Variants in CEP120 observed in about 807,000 individuals in gnomAD.
CEP120 encodes the protein centrosomal protein 120, also known as centrosomal protein of 120 kDa.
Under a neutral mutation model 126.5 loss-of-function variants are expected in CEP120, and 113 were observed. That is an observed-to-expected ratio of 0.89 (90% confidence interval 0.77 to 1.04). The LOEUF (loss-of-function observed/expected upper bound fraction) is 1.04. CEP120 is among the 50% of genes least tolerant of loss of function. The pLI is 0.00. For missense variants in CEP120, 1,230 were observed against 1,155.7 expected, an observed-to-expected ratio of 1.06 and a Z score of -0.93; for synonymous variants, 400 against 394.3, an observed-to-expected ratio of 1.01 and a Z score of -0.17.
chr5:123,393,424 T>A lies in CEP120; in HGVS notation c.686A>T (p.Asp229Val), dbSNP rs761606203. The A allele has an allele frequency of 2.5e-6, 4 of 1,614,130 alleles. No individual in the cohort carries two copies. The highest frequency in any genetic ancestry group is 2.5e-6 in the Non-Finnish European group (3 of 1,179,996). ...FFFYYSLLGN[D>V]VTNEPFNDLI... ...ATCATTGAAGGGTTCATTTGTAACA[T>A]CATTTCCCAGTAAAGAGTAGTAAAA... is the stretch of plus-strand genomic sequence containing the variant. The change falls in exon 6 of 20, where the codon GAT (aspartate) becomes GTT (valine). Residue 229 changes from aspartate to valine, a missense_variant. Transcript: ENST00000306467.
chr5:123,374,039 A>C (rs1333889663), intron 16 of CEP120, among the ~76,000 whole-genome samples: 1 of 152,146 alleles, frequency 6.6e-6, no homozygotes, highest in Admixed American at 6.6e-5. Context: ...AAAAAGACTG[A>C]GCATTACAGA....
At chr5:123,382,670 C>T in intron 13 of CEP120, 67 bp downstream of exon 13, 2 of 1,438,604 alleles carry the variant, frequency 1.4e-6, no homozygotes, top group Non-Finnish European at 1.9e-6. Context: ...TTAAACCTTG[C>T]TACGGAGAAG....
intron 4 of CEP120, chr5:123,401,335 T>C: frequency 6.2e-7 from 1 of 1,601,532 alleles, no homozygotes; most frequent in Admixed American, 1.7e-5. Context: ...GCTCGGCATC[T>C]GCAATGGCGG....
chr5:123,389,620 C>T (rs977543900), intron 8 of CEP120, among the ~76,000 whole-genome samples: 2 of 152,154 alleles, frequency 1.3e-5, no homozygotes, highest in African/African-American at 4.8e-5. Flanking sequence ...CCTGCCTCAG[C>T]CTCCCGAGTA....
At chr5:123,414,299 A>G (rs1270590721) in intron 3 of CEP120, among the ~76,000 whole-genome samples, 1 of 152,222 alleles carries the variant, frequency 6.6e-6, no homozygotes, top group Non-Finnish European at 1.5e-5. Flanking sequence ...AAAGAAGGAA[A>G]AACCTTTTCA....
chr5:123,390,289 C>T (rs1197089540), intron 7 of CEP120, 149 bp from the exon 8 acceptor site: 3 of 716,244 alleles, frequency 4.2e-6, no homozygotes, highest in East Asian at 2.7e-5. Flanking sequence ...TGCAAATTTC[C>T]TTATAGCATC....
chr5:123,370,584 C>T (rs955042981), intron 17 of CEP120, among the ~76,000 whole-genome samples: 18 of 151,404 alleles, frequency 1.2e-4, no homozygotes, highest in African/African-American at 4.4e-4. Flanking sequence ...CTCCAGTGAT[C>T]CTCCCACCTC....
At chr5:123,351,854 G>A (rs867572198) in intron 18 of CEP120, among the ~76,000 whole-genome samples, 24 of 152,224 alleles carry the variant, frequency 1.6e-4, no homozygotes, top group Middle Eastern at 3.4e-3. Context: ...AGATTTTGAA[G>A]CATTTCCGAT....
intron 17 of CEP120, among the ~76,000 whole-genome samples, chr5:123,365,194 AAC>A (rs1770369712): frequency 6.6e-6 from 1 of 150,906 alleles, no homozygotes; most frequent in African/African-American, 2.4e-5. Flanking sequence ...GTTCCTTAAT[AAC>A]ACACATTCTA....
intron 19 of CEP120, among the ~76,000 whole-genome samples, chr5:123,349,090 T>C (rs1186502366): frequency 6.6e-6 from 1 of 152,140 alleles, no homozygotes; most frequent in African/African-American, 2.4e-5. Flanking sequence ...AGACTAGAAT[T>C]CATTTTTATG....
At chr5:123,372,067 T>A (rs1181646979) in intron 17 of CEP120, among the ~76,000 whole-genome samples, 1 of 152,092 alleles carries the variant, frequency 6.6e-6, no homozygotes, top group Non-Finnish European at 1.5e-5. Flanking sequence ...GAGAAGAACA[T>A]GGCTTCCAAC....
In CEP120 at chr5:123,401,253, T is replaced by C. The variant is rs563733271; in HGVS notation, c.464-1969A>G. 1.6e-5 allele frequency: 25 copies of C among 1,610,584 alleles called. No homozygotes were observed. In the East Asian group the frequency reaches 3.1e-4, roughly 20 times the overall value. The stretch of plus-strand genomic sequence containing the variant: ...ACGCAGCTGCCACGCCATGTCCTGC[T>C]TGGCCCGCTGCAGGGCGGCCTCCAG... On this transcript the variant is annotated intron_variant, in intron 4 of 19. Transcript: ENST00000306467.
chr5:123,348,165 G>C (rs1276204617), intron 19 of CEP120, among the ~76,000 whole-genome samples: 1 of 152,122 alleles, frequency 6.6e-6, no homozygotes, highest in Non-Finnish European at 1.5e-5. Context: ...TATCACTTAA[G>C]TGATTTTTCT....
intron 18 of CEP120, chr5:123,358,201 T>G (rs1769787907): frequency 6.6e-6 from 1 of 152,110 alleles, no homozygotes; most frequent in Non-Finnish European, 1.5e-5. Flanking sequence ...GTTACAAAAT[T>G]ATGACAAAAA....
At chr5:123,376,150 T>C (rs1771205949) in intron 16 of CEP120, among the ~76,000 whole-genome samples, 1 of 152,054 alleles carries the variant, frequency 6.6e-6, no homozygotes, top group Admixed American at 6.6e-5. Context: ...AACAAACCGA[T>C]ATGACATATC....
intron 18 of CEP120, among the ~76,000 whole-genome samples, chr5:123,351,176 A>G (rs1262571407): frequency 6.6e-6 from 1 of 152,144 alleles, no homozygotes; most frequent in Non-Finnish European, 1.5e-5. Flanking sequence ...AGAATCCCAG[A>G]AGTCTGTGTC....
At chr5:123,381,373 G>C (rs2127045224) in intron 14 of CEP120, among the ~76,000 whole-genome samples, 1 of 135,706 alleles carries the variant, frequency 7.4e-6, no homozygotes, top group South Asian at 2.5e-4. Flanking sequence ...GGGTTATAGA[G>C]AGAAGGAGCA....
At chr5:123,351,446 T>C (rs952333312) in intron 18 of CEP120, among the ~76,000 whole-genome samples, 1 of 152,300 alleles carries the variant, frequency 6.6e-6, no homozygotes, top group South Asian at 2.1e-4. Context: ...TTTTGAATTA[T>C]AAATAATGGT....
chr5:123,412,422 C>T lies in CEP120; in HGVS notation c.440G>A (p.Gly147Glu), dbSNP rs1774121588. 6.2e-7 allele frequency: 1 copy of T among 1,604,316 alleles called. No individual in the cohort carries two copies. The highest frequency in any genetic ancestry group is 1.3e-5 in the African/African-American group (1 of 74,324). ...ACCTTTTCCATCTCGAGGGGGAGCCCCCTTTGCTTTAAAGCTATCCACTGG... is the reference window on the plus strand; with the variant it reads ...ACCTTTTCCATCTCGAGGGGGAGCCTCCTTTGCTTTAAAGCTATCCACTGG... ...KPPVDSFKAK[G>E]APPRDGKVPA... Residue 147 changes from glycine to glutamate, a missense_variant, in exon 4 of 20, where the codon GGG becomes GAG. Coordinates refer to ENST00000306467, the MANE Select transcript of CEP120 (RefSeq NM_001375405.1).
Sources: gnomAD v4.1 joint callset for allele counts (sites outside exome capture counted in the v4.1 genomes callset) on GRCh38, gnomAD v4.1.1 for gene constraint, MANE v1.5 for transcripts, NCBI Gene and HGNC (gene_info 2026-07-23, HGNC 2026-07-21) for gene names.